CFAP92: variants seen among roughly 807,000 people sequenced by gnomAD.
The protein encoded by CFAP92 is cilia and flagella associated protein 92 (putative).
CFAP92 carries 86 observed loss-of-function variants against 106.3 expected under a neutral mutation model. The observed-to-expected ratio is 0.81, with a 90% CI of 0.68 to 0.97. The LOEUF (loss-of-function observed/expected upper bound fraction) is 0.97. CFAP92 is among the 50% of genes least tolerant of loss of function. CFAP92 has a pLI of 0.00. For missense variants in CFAP92, 1,204 were observed against 1,283.8 expected, an observed-to-expected ratio of 0.94 and a Z score of 0.95; for synonymous variants, 477 against 506.4, an observed-to-expected ratio of 0.94 and a Z score of 0.78.
At chr3:128,930,012 T>G (rs1415987073) in intron 12 of CFAP92, among the ~76,000 whole-genome samples, 32 of 152,212 alleles carry the variant, frequency 2.1e-4, no homozygotes, top group Admixed American at 2.1e-3. Context: ...TAAAGCCATT[T>G]TAGAGTAGCC....
At position 128,981,138 on chromosome 3, in the gene CFAP92, G is replaced by A. The variant is rs376393937; in HGVS notation, c.668-2953C>T. Among the ~76,000 whole-genome samples the A allele has an allele frequency of 6.2e-4, 93 of 150,646 alleles. 2 individuals carry two copies. In the South Asian group the frequency reaches 0.019, roughly 30 times the overall value. On this transcript the variant is annotated intron_variant, in intron 4 of 15. Transcript: ENST00000645291. ...TGCAAGCTCTGCCTCCCAGGTTCAC[G>A]CCATTCTCCTGCCTCAGCCTCCCAA...
At chr3:129,020,977 A>T in the CFAP92 span, among the ~76,000 whole-genome samples, 3 of 152,084 alleles carry the variant, frequency 2.0e-5, no homozygotes, top group African/African-American at 7.2e-5. Flanking sequence ...GCCTCATGAG[A>T]GCTGGGAGGG....
chr3:128,913,499 C>T (rs781578408), intron 15 of CFAP92, among the ~76,000 whole-genome samples: 2 of 152,190 alleles, frequency 1.3e-5, no homozygotes, highest in African/African-American at 2.4e-5. Flanking sequence ...CCAGCGTGCT[C>T]ACTGTGGTGA....
chr3:128,988,803 G>T lies in CFAP92; in HGVS notation c.378C>A (p.Asp126Glu). ...TGTCAACTTTTTTAGGTTCTTCATC[G>T]TCCGGCAGAAGGAAATACTCAATGT... ...FYHIEYFLLP[D>E]DEEPKKVDIL... is the part of the protein sequence containing the mutation. Residue 126 changes from aspartate (D) to glutamate (E), a missense_variant, in exon 3 of 16, where the codon GAC becomes GAA. By Grantham distance (45) the Asp-to-Glu change is conservative. Coordinates refer to ENST00000645291, the MANE Select transcript of CFAP92 (RefSeq NM_001394090.1). 2 of 1,613,628 alleles carry T rather than the reference G, an allele frequency of 1.2e-6. No individual in the cohort carries two copies. Among genetic ancestry groups the T allele is most frequent in the East Asian group, 2.2e-5 (1 of 44,710 alleles).
At chr3:128,915,812 C>CTTA (rs1936768641) in intron 13 of CFAP92, 1 of 498,350 alleles carries the variant, frequency 2.0e-6, no homozygotes, top group Admixed American at 3.8e-5. Context: ...CTGTTGGTAG[C>CTTA]TGCCTTGATA....
intron 11 of CFAP92, among the ~76,000 whole-genome samples, chr3:128,933,556 G>A (rs1320166536): frequency 6.6e-6 from 1 of 152,326 alleles, no homozygotes; most frequent in East Asian, 1.9e-4. Flanking sequence ...TGTCTCAGCT[G>A]CCTCCGAAGT....
chr3:129,026,447 G>T, the CFAP92 span, among the ~76,000 whole-genome samples: 1 of 152,188 alleles, frequency 6.6e-6, no homozygotes, highest in African/African-American at 2.4e-5. Context: ...TCCAGCCGCT[G>T]AAGTCCCTTA....
the CFAP92 span, among the ~76,000 whole-genome samples, chr3:129,012,192 T>C: frequency 1.3e-5 from 2 of 152,262 alleles, no homozygotes; most frequent in African/African-American, 2.4e-5. Flanking sequence ...TCAGCTCAAC[T>C]TGCTTGTGCC....
rs780776263 is a variant in CFAP92, at chr3:128,993,218, G to C, written c.87C>G (p.Ser29Arg). Residue 29 changes from serine (S) to arginine (R), a missense_variant, in exon 2 of 16, where the codon AGC becomes AGG. By Grantham distance (110) the Ser-to-Arg change is moderately radical (BLOSUM62 -1). Transcript: ENST00000645291. ...TCAGGTGTTCCTCCACGTCACACTC[G>C]CTCGTGGACTGGTAAAAGCTAGTGA... ...SSITSFYQST[S>R]ECDVEEHLKA... 65 of 1,613,938 alleles carry C rather than the reference G, an allele frequency of 4.0e-5. No individual in the cohort carries two copies. Among genetic ancestry groups the C allele is most frequent in the Non-Finnish European group, 5.3e-5 (63 of 1,179,904 alleles).
intron 4 of CFAP92, among the ~76,000 whole-genome samples, chr3:128,979,638 C>T (rs1309911457): frequency 1.3e-5 from 2 of 152,052 alleles, no homozygotes; most frequent in African/African-American, 4.8e-5. Context: ...GAGTTCATGT[C>T]CTTTGTAGGG....
chr3:128,941,315 A>G (rs528089051), intron 10 of CFAP92, among the ~76,000 whole-genome samples: 14 of 152,244 alleles, frequency 9.2e-5, no homozygotes, highest in African/African-American at 2.9e-4. Flanking sequence ...TAAATTTCTT[A>G]TAATTTTTTA....
intron 5 of CFAP92, among the ~76,000 whole-genome samples, chr3:128,977,400 T>C (rs940131718): frequency 2.6e-5 from 4 of 152,270 alleles, no homozygotes; most frequent in Admixed American, 2.0e-4. Context: ...CCATAGGGAA[T>C]GGTTAGCAAA....
intron 9 of CFAP92, among the ~76,000 whole-genome samples, chr3:128,952,563 C>T (rs1234385318): frequency 2.0e-5 from 3 of 152,170 alleles, no homozygotes; most frequent in Non-Finnish European, 4.4e-5. Flanking sequence ...GAATCTGAAG[C>T]AGTAATGAAC....
At chr3:128,959,544 A>G (rs921106465) in intron 9 of CFAP92, among the ~76,000 whole-genome samples, 1 of 152,250 alleles carries the variant, frequency 6.6e-6, no homozygotes, top group African/African-American at 2.4e-5. Flanking sequence ...GAGAGAATTC[A>G]GGAGACAGGG....
upstream of CFAP92, chr3:129,004,083 C>A: frequency 6.7e-7 from 1 of 1,488,622 alleles, no homozygotes; most frequent in Non-Finnish European, 8.9e-7. Flanking sequence ...TACAGGTGAG[C>A]GGGGGCGCGT....
upstream of CFAP92, among the ~76,000 whole-genome samples, chr3:128,998,953 A>G (rs1944582785): frequency 1.3e-5 from 2 of 152,212 alleles, no homozygotes; most frequent in Admixed American, 1.3e-4. Context: ...GCCCAAATAC[A>G]TAGAAAAGTC....
intron 15 of CFAP92, chr3:128,913,241 G>A: frequency 2.8e-6 from 1 of 362,234 alleles, no homozygotes; most frequent in South Asian, 2.1e-5. Flanking sequence ...GGAGGGCCCA[G>A]AATGCTAAGG....
At chr3:129,015,340 T>C in the CFAP92 span, among the ~76,000 whole-genome samples, 1 of 152,190 alleles carries the variant, frequency 6.6e-6, no homozygotes, top group Non-Finnish European at 1.5e-5. Flanking sequence ...CTACAGCCTC[T>C]TCCTAACGTC....
intron 8 of CFAP92, chr3:128,970,204 T>TA (rs1942681982): frequency 6.6e-6 from 1 of 151,920 alleles, no homozygotes; most frequent in Non-Finnish European, 1.5e-5. Context: ...TCATGTCACT[T>TA]ACACTCCAGC....
Sources: gnomAD v4.1 joint callset for allele counts (sites outside exome capture counted in the v4.1 genomes callset) on GRCh38, gnomAD v4.1.1 for gene constraint, MANE v1.5 for transcripts, NCBI Gene and HGNC (gene_info 2026-07-23, HGNC 2026-07-21) for gene names.